The following PIEZO2 variants were observed in gnomAD, a reference collection of about 807,000 sequenced individuals.
The protein encoded by PIEZO2 is piezo-type mechanosensitive ion channel component 2.
In PIEZO2, 172 loss-of-function variants were observed where a neutral mutation model predicts 337.3. The observed-to-expected ratio is 0.51, with a 90% CI of 0.45 to 0.58. The LOEUF (loss-of-function observed/expected upper bound fraction) is 0.58, where lower values mean the gene tolerates loss of function less well. PIEZO2 is among the 20% of genes least tolerant of loss of function. PIEZO2 has a pLI of 0.00. For synonymous variants in PIEZO2, 1,251 were observed against 1,228.5 expected (o/e 1.02, Z -0.38); for missense variants, 3,028 against 3,391.3 (o/e 0.89, Z 2.66).
At position 10,953,053 on chromosome 18, in the gene PIEZO2, G is replaced by A. The variant is rs1231903663; in HGVS notation, c.286+26482C>T. Among the ~76,000 whole-genome samples the A allele has an allele frequency of 6.6e-6, 1 of 151,818 alleles. No individual in the cohort carries two copies. The highest frequency in any genetic ancestry group is 2.4e-5 in the African/African-American group (1 of 41,294). ...ATCTGTATATCTTCTTTGGTAAAGT[G>A]TCTATTCAAAAATTTTGCCCATTAA... On this transcript the variant is annotated intron_variant, in intron 3 of 55. Coordinates refer to ENST00000674853, the MANE Select transcript of PIEZO2 (RefSeq NM_001378183.1). This position sits in a 1 kb window ranked among gnomAD's most constrained non-coding sequence, Gnocchi z 5.2.
At chr18:10,796,209 A>T (rs887031159) in intron 12 of PIEZO2, among the ~76,000 whole-genome samples, 4 of 151,838 alleles carry the variant, frequency 2.6e-5, no homozygotes, top group African/African-American at 7.2e-5. Flanking sequence ...CTAAAAATAA[A>T]AAAAAAAAAA....
intron 34 of PIEZO2, among the ~76,000 whole-genome samples, chr18:10,735,658 A>G (rs761564580): frequency 1.3e-5 from 2 of 152,228 alleles, no homozygotes; most frequent in African/African-American, 2.4e-5. Context: ...AACATGCACA[A>G]AAACCCGGTC....
chr18:11,005,370 T>C (rs924580283), intron 2 of PIEZO2, among the ~76,000 whole-genome samples: 4 of 152,246 alleles, frequency 2.6e-5, no homozygotes, highest in African/African-American at 7.2e-5. Flanking sequence ...GTTTGTCTTT[T>C]ATTTTTTTCC....
At chr18:10,705,308 G>C in intron 41 of PIEZO2, 28 bp downstream of exon 41, 2 of 1,499,670 alleles carry the variant, frequency 1.3e-6, no homozygotes, top group Non-Finnish European at 1.8e-6. Flanking sequence ...TTGGGGATAT[G>C]TGTCTGATCT....
chr18:11,135,802 T>G (rs2040466942), intron 1 of PIEZO2, among the ~76,000 whole-genome samples: 1 of 152,302 alleles, frequency 6.6e-6, no homozygotes, highest in South Asian at 2.1e-4. Flanking sequence ...CACCTAGGCC[T>G]GCAAAGGTAT....
chr18:10,899,518 A>G lies in PIEZO2; in HGVS notation c.329+11668T>C, dbSNP rs759946939. 6.6e-5 allele frequency among the ~76,000 whole-genome samples: 10 copies of G among 152,174 alleles called. No individual in the cohort carries two copies. The highest frequency in any genetic ancestry group is 1.5e-4 in the Non-Finnish European group (10 of 68,036). On this transcript the variant is annotated intron_variant, in intron 4 of 55. Coordinates refer to ENST00000674853, the MANE Select transcript of PIEZO2 (RefSeq NM_001378183.1). The surrounding 1 kb of genome is among the most constrained non-coding windows in gnomAD (Gnocchi z 4.6). ...CCTCAGCATAAAATGCCTATGGAAA[A>G]GGCATTTTATGGTGGTTAGAGATAT...
Position 11,032,250 on chromosome 18 carries a change from C to G in PIEZO2, c.160+33877G>C, listed in dbSNP as rs1240854151. 6.6e-6 allele frequency among the ~76,000 whole-genome samples: 1 copy of G among 152,172 alleles called. No individual in the cohort carries two copies. The highest frequency in any genetic ancestry group is 1.5e-5 in the Non-Finnish European group (1 of 68,040). Reference sequence around the variant, plus strand: ...CGGGTCTCCAGTGTGGTCCACAGGACAGAGGACAACATTTGGAACAAATGC... The same window carrying G: ...CGGGTCTCCAGTGTGGTCCACAGGAGAGAGGACAACATTTGGAACAAATGC... On this transcript the variant is annotated intron_variant, in intron 2 of 55. Coordinates refer to ENST00000674853, the MANE Select transcript of PIEZO2 (RefSeq NM_001378183.1). This position sits in a 1 kb window ranked among gnomAD's most constrained non-coding sequence, Gnocchi z 4.9.
rs2040713896 is a variant in PIEZO2, at chr18:11,143,481, G to A, written c.64+5044C>T. Among the ~76,000 whole-genome samples the A allele has an allele frequency of 6.6e-6, 1 of 152,198 alleles. No individual in the cohort carries two copies. Among genetic ancestry groups the A allele is most frequent in the Admixed American group, 6.5e-5 (1 of 15,282 alleles). On this transcript the variant is annotated intron_variant, in intron 1 of 55. Transcript: ENST00000674853. The surrounding 1 kb of genome is among the most constrained non-coding windows in gnomAD (Gnocchi z 4.9). Reference sequence around the variant, plus strand: ...AACGTTAACAGTATTGATCTAGTGAGAACAATATGTAATTGTTCTAAATAT... The same window carrying A: ...AACGTTAACAGTATTGATCTAGTGAAAACAATATGTAATTGTTCTAAATAT...
rs1296475726 is a variant in PIEZO2, at chr18:10,870,349, T to A, written c.492+904A>T. Among the ~76,000 whole-genome samples the A allele has an allele frequency of 1.3e-5, 2 of 152,232 alleles. No homozygotes were observed. Among genetic ancestry groups the A allele is most frequent in the Non-Finnish European group, 2.9e-5 (2 of 68,040 alleles). ...CATCGGTTAACATTCTCAATATAAG[T>A]AACTTCAATTAACTTCAGTTTTATA... On this transcript the variant is annotated intron_variant, in intron 5 of 55. Transcript: ENST00000674853. This position sits in a 1 kb window ranked among gnomAD's most constrained non-coding sequence, Gnocchi z 5.3.
Position 10,704,476 on chromosome 18 carries a change from G to A in PIEZO2, c.6176C>T (p.Pro2059Leu). Residue 2059 changes from proline to leucine, a missense_variant, in exon 42 of 56, where the codon CCC (proline) becomes CTC (leucine). Transcript: ENST00000674853. ...VSASMITLLLPILIFLWAMLS... is the reference protein window; with the variant it reads ...VSASMITLLLLILIFLWAMLS... ...CATGGCCCAGAGGAAGATGAGGATG[G>A]GAAGCAGGAGCGTGATCATGGAGGC... 6.5e-7 allele frequency: 1 copy of A among 1,537,234 alleles called. No homozygotes were observed. The highest frequency in any genetic ancestry group is 8.7e-7 in the Non-Finnish European group (1 of 1,146,906).
chr18:11,036,908 C>G (rs77780897), intron 2 of PIEZO2, among the ~76,000 whole-genome samples: 10 of 152,144 alleles, frequency 6.6e-5, no homozygotes, highest in Non-Finnish European at 1.3e-4. Context: ...ATAAACTCCA[C>G]GTGGACCCAG....
intron 44 of PIEZO2, 88 bp from the exon 45 acceptor site, chr18:10,697,968 T>C: frequency 2.0e-6 from 3 of 1,482,994 alleles, no homozygotes; most frequent in Non-Finnish European, 2.7e-6. Context: ...AGAGCCCACA[T>C]GGTGGAGGGA....
intron 12 of PIEZO2, among the ~76,000 whole-genome samples, chr18:10,796,192 G>A (rs995617336): frequency 4.0e-5 from 6 of 151,408 alleles, no homozygotes; most frequent in African/African-American, 9.7e-5. Context: ...GTGAAACCCC[G>A]TCTCTACTAA....
intron 2 of PIEZO2, among the ~76,000 whole-genome samples, chr18:11,064,176 A>G (rs1187943303): frequency 6.6e-6 from 1 of 152,234 alleles, no homozygotes; most frequent in Non-Finnish European, 1.5e-5. Flanking sequence ...CAGATTTTAG[A>G]AACGCATGTG....
At position 10,870,979 on chromosome 18, in the gene PIEZO2, A is replaced by G. The variant is rs1198512282; in HGVS notation, c.492+274T>C. On this transcript the variant is annotated intron_variant, in intron 5 of 55. Transcript: ENST00000674853. The surrounding 1 kb of genome is among the most constrained non-coding windows in gnomAD (Gnocchi z 5.3). ...CCTTGCACGGTTAGCCTCCGAGATAATATCACGTGATAGTTTGGGGTGGTG... is the reference window on the plus strand; with the variant it reads ...CCTTGCACGGTTAGCCTCCGAGATAGTATCACGTGATAGTTTGGGGTGGTG... Among the ~76,000 whole-genome samples the G allele has an allele frequency of 6.6e-6, 1 of 152,050 alleles. No individual in the cohort carries two copies. Among genetic ancestry groups the G allele is most frequent in the African/African-American group, 2.4e-5 (1 of 41,392 alleles).
intron 3 of PIEZO2, among the ~76,000 whole-genome samples, chr18:10,914,133 A>G (rs1405717577): frequency 1.3e-5 from 2 of 152,212 alleles, no homozygotes; most frequent in African/African-American, 2.4e-5. Context: ...TGCTTTACAT[A>G]GTAAGGTAAT....
chr18:10,733,398 T>A (rs1248054983), intron 35 of PIEZO2, among the ~76,000 whole-genome samples: 2 of 151,478 alleles, frequency 1.3e-5, no homozygotes, highest in Non-Finnish European at 2.9e-5. Flanking sequence ...GGGGGAAACG[T>A]CCCAATCCTT....
chr18:11,148,356 T>C lies in PIEZO2; in HGVS notation c.64+169A>G, dbSNP rs976048023. 2.0e-5 allele frequency among the ~76,000 whole-genome samples: 3 copies of C among 150,750 alleles called. No homozygotes were observed. The highest frequency in any genetic ancestry group is 4.4e-5 in the Non-Finnish European group (3 of 67,742). On this transcript the variant is annotated intron_variant, in intron 1 of 55. Transcript: ENST00000674853. The surrounding 1 kb of genome is among the most constrained non-coding windows in gnomAD (Gnocchi z 5.2). ...GATACCCCGATCGCGCGCCCCAGAGTGGGAAGTGAGAGAGCCAGGCTGTGC... is the reference window on the plus strand; with the variant it reads ...GATACCCCGATCGCGCGCCCCAGAGCGGGAAGTGAGAGAGCCAGGCTGTGC...
chr18:10,835,803 G>A (rs1036056589), intron 7 of PIEZO2, among the ~76,000 whole-genome samples: 2 of 152,182 alleles, frequency 1.3e-5, no homozygotes, highest in Non-Finnish European at 2.9e-5. Flanking sequence ...CTTGGCCTAC[G>A]GGCATGAGCC....
Sources: gnomAD v4.1 joint callset for allele counts (sites outside exome capture counted in the v4.1 genomes callset) on GRCh38, gnomAD v4.1.1 for gene constraint, Gnocchi (gnomAD v3.1) non-coding constraint, MANE v1.5 for transcripts, NCBI Gene and HGNC (gene_info 2026-07-23, HGNC 2026-07-21) for gene names.